BMP7: variants seen among roughly 807,000 people sequenced by gnomAD.
BMP7 encodes osteogenic protein 1.
A neutral mutation model predicts 41.2 loss-of-function variants in BMP7; 12 were observed. That is an observed-to-expected ratio of 0.29 (90% CI 0.19 to 0.47). The LOEUF is 0.47. BMP7 is among the 20% of genes least tolerant of loss of function. BMP7 has a pLI of 0.99. For synonymous variants in BMP7, 248 were observed against 250.0 expected (o/e 0.99, Z 0.07); for missense variants, 467 against 606.0 (o/e 0.77, Z 2.41).
intron 3 of BMP7, among the ~76,000 whole-genome samples, chr20:57,199,677 C>G (rs2123086427): frequency 6.6e-6 from 1 of 152,290 alleles, no homozygotes; most frequent in South Asian, 2.1e-4. Flanking sequence ...CATGATGTCT[C>G]GAAAATCCCG....
intron 4 of BMP7, among the ~76,000 whole-genome samples, chr20:57,182,695 G>T (rs1006330540): frequency 6.6e-6 from 1 of 152,214 alleles, no homozygotes; most frequent in African/African-American, 2.4e-5. Context: ...TGTGAAGTGG[G>T]AGGCCATCTA....
At chr20:57,246,574 T>C (rs1423992462) in intron 1 of BMP7, among the ~76,000 whole-genome samples, 3 of 152,228 alleles carry the variant, frequency 2.0e-5, no homozygotes, top group African/African-American at 7.2e-5. Flanking sequence ...GATGCTTAAC[T>C]GGGTATGTGG....
At chr20:57,244,325 G>C (rs780374115) in intron 1 of BMP7, among the ~76,000 whole-genome samples, 1 of 152,200 alleles carries the variant, frequency 6.6e-6, no homozygotes, top group South Asian at 2.1e-4. Context: ...GAAGCTATTC[G>C]CTCTGATTGC....
chr20:57,233,967 C>A (rs1428841769), intron 1 of BMP7, among the ~76,000 whole-genome samples: 1 of 152,224 alleles, frequency 6.6e-6, no homozygotes, highest in Admixed American at 6.5e-5. Flanking sequence ...AGATATATTT[C>A]TCCTGCTTCC....
rs1055990017 is a variant in BMP7, at chr20:57,259,043, G to C, written c.418+6662C>G. On this transcript the variant is annotated intron_variant, in intron 1 of 6. Transcript: ENST00000395863. This position sits in a 1 kb window ranked among gnomAD's most constrained non-coding sequence, Gnocchi z 4.7. ...GAGGACACAAATGCAGAGATGTTAA[G>C]TAACTTGCCCAAGGTCACACAGCTA... Among the ~76,000 whole-genome samples the C allele has an allele frequency of 6.6e-5, 10 of 152,172 alleles. No individual in the cohort carries two copies. Among genetic ancestry groups the C allele is most frequent in the Admixed American group, 2.0e-4 (3 of 15,276 alleles).
intron 2 of BMP7, among the ~76,000 whole-genome samples, chr20:57,217,441 G>A (rs1023734333): frequency 3.3e-5 from 5 of 152,178 alleles, no homozygotes; most frequent in Admixed American, 6.5e-5. Context: ...CACTGAGGTC[G>A]CCATAGCTGA....
In BMP7 at chr20:57,226,245, G is replaced by C. The variant is rs563855967; in HGVS notation, c.611+1984C>G. ...GCAGGAAGGACCAAGAGCTGCCGGA[G>C]CTGAGTGGAGAATCCAGATAACAGC... is the stretch of plus-strand genomic sequence containing the variant. On this transcript the variant is annotated intron_variant, in intron 2 of 6. Transcript: ENST00000395863. 1.1e-4 allele frequency among the ~76,000 whole-genome samples: 16 copies of C among 152,350 alleles called. No individual in the cohort carries two copies. The South Asian group carries it at 3.3e-3, about 32-fold the overall frequency.
intron 1 of BMP7, among the ~76,000 whole-genome samples, chr20:57,251,592 G>A (rs1054409220): frequency 6.6e-6 from 1 of 152,188 alleles, no homozygotes; most frequent in Admixed American, 6.5e-5. Context: ...GGGGCAGGAA[G>A]TGTGGCTGAG....
chr20:57,180,251 G>A (rs1356349354), intron 4 of BMP7, among the ~76,000 whole-genome samples: 1 of 152,142 alleles, frequency 6.6e-6, no homozygotes, highest in East Asian at 1.9e-4. Context: ...TCAAACTCAA[G>A]ACGTGACTCC....
intron 2 of BMP7, among the ~76,000 whole-genome samples, chr20:57,221,228 G>A (rs1568720054): frequency 2.0e-5 from 3 of 152,244 alleles, no homozygotes; most frequent in East Asian, 1.9e-4. Context: ...GTCCAAGTCC[G>A]TGCAACTTCC....
intron 3 of BMP7, among the ~76,000 whole-genome samples, chr20:57,193,434 G>A (rs918567966): frequency 4.6e-5 from 7 of 152,156 alleles, no homozygotes; most frequent in African/African-American, 1.7e-4. Context: ...ACCCAGTAGT[G>A]CCAAGGCTGG....
intron 1 of BMP7, among the ~76,000 whole-genome samples, chr20:57,248,515 T>C (rs1019032744): frequency 5.9e-5 from 9 of 152,188 alleles, no homozygotes; most frequent in African/African-American, 2.2e-4. Context: ...CCCATCCTCC[T>C]GCCTTGAATG....
At chr20:57,238,757 G>A (rs1298866166) in intron 1 of BMP7, among the ~76,000 whole-genome samples, 3 of 151,990 alleles carry the variant, frequency 2.0e-5, no homozygotes, top group Non-Finnish European at 4.4e-5. Flanking sequence ...GGAGGCCTCA[G>A]AATCATGGCG....
At chr20:57,212,084 T>C (rs768764958) in intron 2 of BMP7, among the ~76,000 whole-genome samples, 1 of 152,052 alleles carries the variant, frequency 6.6e-6, no homozygotes, top group Non-Finnish European at 1.5e-5. Flanking sequence ...TGGGCGTGCG[T>C]AGCACACAAG....
rs1983805256 is a variant in BMP7, at chr20:57,171,059, G to A, written c.1196C>T (p.Thr399Met). Residue 399 changes from threonine to methionine, a missense_variant, in exon 7 of 7, where the codon ACG becomes ATG. Transcript: ENST00000395863. This position sits in a 1 kb window ranked among gnomAD's most constrained non-coding sequence, Gnocchi z 4.5. ...ETVPKPCCAPTQLNAISVLYF... is the reference protein window; with the variant it reads ...ETVPKPCCAPMQLNAISVLYF... ...GAGGACGGAGATGGCATTGAGCTGC[G>A]TGGGCGCACAGCAGGGCTTGGGCAC... 9 of 1,614,242 alleles carry A rather than the reference G, an allele frequency of 5.6e-6. No homozygotes were observed. The highest frequency in any genetic ancestry group is 7.6e-6 in the Non-Finnish European group (9 of 1,180,052).
intron 1 of BMP7, among the ~76,000 whole-genome samples, 160 bp downstream of exon 1, chr20:57,265,545 T>C (rs1432188892): frequency 6.6e-6 from 1 of 152,134 alleles, no homozygotes; most frequent in Non-Finnish European, 1.5e-5. Flanking sequence ...GCACACAGCT[T>C]GGGAGTCATA....
At chr20:57,244,288 G>T (rs1200766696) in intron 1 of BMP7, among the ~76,000 whole-genome samples, 1 of 152,206 alleles carries the variant, frequency 6.6e-6, no homozygotes, top group East Asian at 1.9e-4. Flanking sequence ...AGTGTCCATG[G>T]AGTGCCTGGC....
rs2066154786 is a variant in BMP7, at chr20:57,261,660, T to C, written c.418+4045A>G. Among the ~76,000 whole-genome samples, 1 of 152,182 alleles carries C rather than the reference T, an allele frequency of 6.6e-6. No homozygotes were observed. Among genetic ancestry groups the C allele is most frequent in the Non-Finnish European group, 1.5e-5 (1 of 68,028 alleles). On this transcript the variant is annotated intron_variant, in intron 1 of 6. Transcript: ENST00000395863. This position sits in a 1 kb window ranked among gnomAD's most constrained non-coding sequence, Gnocchi z 4.1. ...AAGAAGGGGGGAGCTGTGTGACATCTATATTAACCTTTGGCTGCTCACCAG... is the reference window on the plus strand; with the variant it reads ...AAGAAGGGGGGAGCTGTGTGACATCCATATTAACCTTTGGCTGCTCACCAG...
At chr20:57,172,325 A>G (rs914235331) in intron 6 of BMP7, among the ~76,000 whole-genome samples, 10 of 152,192 alleles carry the variant, frequency 6.6e-5, no homozygotes, top group South Asian at 2.1e-4. Flanking sequence ...TTGGAAAACC[A>G]ACACTTAAAA....
Sources: allele counts gnomAD v4.1 joint callset (sites outside exome capture counted in the v4.1 genomes callset), GRCh38; gene constraint gnomAD v4.1.1; non-coding constraint Gnocchi (gnomAD v3.1); transcripts MANE v1.5; gene names NCBI Gene and HGNC (gene_info 2026-07-23, HGNC 2026-07-21).